Variants in RAB9B observed in about 807,000 individuals in gnomAD.
RAB9B encodes ras-related protein Rab-9B.
Under a neutral mutation model 8.9 loss-of-function variants are expected in RAB9B, and 1 was observed. That is an observed-to-expected ratio of 0.11 (90% CI 0.04 to 0.53). RAB9B has a LOEUF of 0.53. RAB9B is among the 20% of genes least tolerant of loss of function. RAB9B has a pLI of 0.93. For missense variants in RAB9B, 82 were observed against 152.9 expected (o/e 0.54, Z 2.45); for synonymous variants, 63 against 57.0 (o/e 1.10, Z -0.47).
the RAB9B span, among the ~76,000 whole-genome samples, chrX:103,809,102 C>T: frequency 9.0e-6 from 1 of 111,642 alleles, no homozygotes; most frequent in Admixed American, 9.5e-5. Context: ...GTGGGGTCCT[C>T]ACAATGACAT....
At chrX:103,810,580 C>T in the RAB9B span, among the ~76,000 whole-genome samples, 2 of 111,796 alleles carry the variant, frequency 1.8e-5, no homozygotes, top group Non-Finnish European at 3.8e-5. Context: ...ATGGCATAAC[C>T]TGCGTGACTC....
At chrX:103,801,283 A>G in the RAB9B span, among the ~76,000 whole-genome samples, 2 of 110,416 alleles carry the variant, frequency 1.8e-5, no homozygotes, top group Admixed American at 1.9e-4. Flanking sequence ...ATCACTTTAC[A>G]CTTATTGCTC....
the RAB9B span, among the ~76,000 whole-genome samples, chrX:103,796,176 T>C: frequency 1.8e-5 from 2 of 112,379 alleles, no homozygotes; most frequent in East Asian, 5.5e-4. Context: ...TTAAAGAAGA[T>C]TCAAAATAAT....
chrX:103,780,948 C>T, the RAB9B span: 1 of 142,322 alleles, frequency 7.0e-6, no homozygotes, highest in African/African-American at 3.1e-5. Flanking sequence ...GAGGGTAAGA[C>T]TGTAGTGCAG....
downstream of RAB9B, among the ~76,000 whole-genome samples, chrX:103,820,565 G>C (rs1457024865): frequency 8.9e-6 from 1 of 111,870 alleles, no homozygotes; most frequent in African/African-American, 3.3e-5. Context: ...AGACCGTACT[G>C]TTTCTTAAGA....
rs2074671894 is a variant in RAB9B, at chrX:103,823,627, T to A, written c.*1552A>T. The stretch of plus-strand genomic sequence containing the variant: ...AGTACAGATTAAAATCTATGCAGGG[T>A]AAACAGATCAACCAACAAGAACCAC... On this transcript the variant is annotated 3_prime_UTR_variant, in exon 3 of 3. Transcript: ENST00000243298. 8.9e-6 allele frequency: 1 copy of A among 112,121 alleles called. No homozygotes were observed. The highest frequency in any genetic ancestry group is 3.7e-4 in the South Asian group (1 of 2,687). The allele number at this position is 112,121 out of a possible 1,213,427, so 9.2% of individuals were successfully genotyped here.
the RAB9B span, among the ~76,000 whole-genome samples, chrX:103,795,231 A>C: frequency 9.2e-6 from 1 of 109,008 alleles, no homozygotes; most frequent in Admixed American, 9.8e-5. Flanking sequence ...AAACTTGCAC[A>C]GTCCCATGAG....
At position 103,822,675 on chromosome X, in the gene RAB9B, C is replaced by G. The variant is rs2074666199; in HGVS notation, c.*2504G>C. The G allele has an allele frequency of 1.8e-5, 2 of 111,415 alleles. No homozygotes were observed. The highest frequency in any genetic ancestry group is 3.8e-5 in the Non-Finnish European group (2 of 53,055). The allele number at this position is 111,415 out of a possible 1,213,427, so 9.2% of individuals were successfully genotyped here. A position where few individuals can be genotyped will look rare whatever the true frequency, so the allele number is the denominator to read the frequency against. ...AATCTAGTGTTCTTTAAAAAAACAC[C>G]TATTGAAAATATTACACTGCACATT... On this transcript the variant is annotated 3_prime_UTR_variant, in exon 3 of 3. Coordinates refer to ENST00000243298, the MANE Select transcript of RAB9B (RefSeq NM_016370.4).
At chrX:103,787,690 G>C in the RAB9B span, 3 of 665,324 alleles carry the variant, frequency 4.5e-6, no homozygotes, top group South Asian at 6.5e-5. Flanking sequence ...GAGAGCCCTG[G>C]AACCTGGTTT....
At chrX:103,787,866 G>A in the RAB9B span, 1 of 1,207,971 alleles carries the variant, frequency 8.3e-7, no homozygotes, top group Non-Finnish European at 1.1e-6. Context: ...CTGTGCCTGT[G>A]TACATTTACT....
At chrX:103,781,084 G>T in the RAB9B span, 1 of 202,324 alleles carries the variant, frequency 4.9e-6, no homozygotes, top group Non-Finnish European at 9.6e-6. Flanking sequence ...GCTGGGAATT[G>T]TGCAGGGTAC....
chrX:103,820,050 C>T (rs751045426), downstream of RAB9B, among the ~76,000 whole-genome samples: 2 of 111,653 alleles, frequency 1.8e-5, no homozygotes, highest in South Asian at 7.6e-4. Context: ...AACCCCTTCC[C>T]CCTTCCACAG....
At chrX:103,785,402 A>T in the RAB9B span, among the ~76,000 whole-genome samples, 1 of 112,480 alleles carries the variant, frequency 8.9e-6, no homozygotes, top group Admixed American at 9.4e-5. Context: ...AGAATGAAAC[A>T]AAGTAAGGAT....
At chrX:103,791,006 C>G in the RAB9B span, 1 of 199,912 alleles carries the variant, frequency 5.0e-6, no homozygotes, top group South Asian at 9.7e-5. Flanking sequence ...GTCTTTGGTC[C>G]TCTTGCCATC....
chrX:103,816,346 A>G, the RAB9B span, among the ~76,000 whole-genome samples: 1 of 112,187 alleles, frequency 8.9e-6, no homozygotes, highest in Admixed American at 9.5e-5. Flanking sequence ...TTCCCTATTT[A>G]ATAAATGGTG....
chrX:103,826,132 A>C (rs2074682498), intron 2 of RAB9B, among the ~76,000 whole-genome samples: 1 of 112,079 alleles, frequency 8.9e-6, no homozygotes. Flanking sequence ...CTAGAACAGG[A>C]ATGCCACTCA....
chrX:103,797,195 C>A, the RAB9B span, among the ~76,000 whole-genome samples: 1 of 104,849 alleles, frequency 9.5e-6, no homozygotes, highest in Admixed American at 1.0e-4. Flanking sequence ...TCAAGTGATC[C>A]TCTCACCTCA....
At chrX:103,806,388 A>G in the RAB9B span, among the ~76,000 whole-genome samples, 11 of 111,651 alleles carry the variant, frequency 9.9e-5, no homozygotes, top group Non-Finnish European at 1.9e-4. Flanking sequence ...TAATTTCCAC[A>G]TATTTGTGAA....
chrX:103,791,287 G>C, the RAB9B span: 1 of 112,151 alleles, frequency 8.9e-6, no homozygotes, highest in Non-Finnish European at 1.9e-5. Flanking sequence ...TGTAGACGAA[G>C]GGGGCATCTG....
Sources: allele counts gnomAD v4.1 joint callset (sites outside exome capture counted in the v4.1 genomes callset), GRCh38; gene constraint gnomAD v4.1.1; transcripts MANE v1.5; gene names NCBI Gene and HGNC (gene_info 2026-07-23, HGNC 2026-07-21).